Variants in PRKG1 observed in about 807,000 individuals in gnomAD.
PRKG1 encodes protein kinase cGMP-dependent 1.
In PRKG1, 35 loss-of-function variants were observed where a neutral mutation model predicts 88.1. The ratio of observed to expected loss-of-function variants is 0.40; its 90% confidence interval spans 0.30 to 0.53. The LOEUF (loss-of-function observed/expected upper bound fraction) is 0.53. Among genes scored for constraint, PRKG1 ranks in the 20% least tolerant of loss-of-function variants. The pLI is 0.59. For synonymous variants in PRKG1, 303 were observed against 292.5 expected, an observed-to-expected ratio of 1.04 and a Z score of -0.37; for missense variants, 540 against 839.8, an observed-to-expected ratio of 0.64 and a Z score of 4.41.
intron 8 of PRKG1, among the ~76,000 whole-genome samples, chr10:52,150,174 A>ATTATTATTATTATTATT (rs1554810270): frequency 6.7e-5 from 7 of 104,896 alleles, no homozygotes; most frequent in African/African-American, 2.1e-4. Context: ...TAATAATAAT[A>ATTATTATTATTATTATT]ATAATAATAA....
intron 7 of PRKG1, among the ~76,000 whole-genome samples, chr10:52,078,005 C>G (rs1846674663): frequency 1.3e-5 from 2 of 152,154 alleles, no homozygotes. Flanking sequence ...TGTCTGCCGC[C>G]CAGATGGCCG....
chr10:51,551,235 A>G (rs2132128478), intron 3 of PRKG1, among the ~76,000 whole-genome samples: 1 of 152,008 alleles, frequency 6.6e-6, no homozygotes, highest in Non-Finnish European at 1.5e-5. Context: ...CCTCAAACAT[A>G]TGGACCTCAC....
At chr10:51,752,805 T>C (rs962255065) in intron 3 of PRKG1, among the ~76,000 whole-genome samples, 1 of 152,152 alleles carries the variant, frequency 6.6e-6, no homozygotes, top group Non-Finnish European at 1.5e-5. Context: ...ACAATGAAGA[T>C]TATTCTCATA....
At chr10:51,727,586 T>A (rs1447786365) in intron 3 of PRKG1, among the ~76,000 whole-genome samples, 1 of 152,174 alleles carries the variant, frequency 6.6e-6, no homozygotes, top group Admixed American at 6.5e-5. Context: ...AGCACAGAAA[T>A]TTCTACTATT....
At chr10:51,964,648 A>G (rs554972049) in intron 5 of PRKG1, among the ~76,000 whole-genome samples, 59 of 152,330 alleles carry the variant, frequency 3.9e-4, no homozygotes, top group African/African-American at 1.4e-3. Context: ...ATAAAAATAG[A>G]TGATCCAGTT....
At chr10:51,948,561 T>C (rs1024116093) in intron 5 of PRKG1, among the ~76,000 whole-genome samples, 6 of 149,224 alleles carry the variant, frequency 4.0e-5, no homozygotes, top group African/African-American at 1.5e-4. Flanking sequence ...TGTGTGTGTG[T>C]GTAATTTGAT....
intron 9 of PRKG1, among the ~76,000 whole-genome samples, chr10:52,177,878 CT>C (rs1302112844): frequency 2.9e-4 from 41 of 142,660 alleles, no homozygotes; most frequent in Middle Eastern, 3.6e-3. Flanking sequence ...TTATTTGGTT[CT>C]TTTTTTTTTC....
At chr10:51,858,589 A>G (rs767144270) in intron 4 of PRKG1, among the ~76,000 whole-genome samples, 2 of 149,076 alleles carry the variant, frequency 1.3e-5, no homozygotes, top group African/African-American at 4.9e-5. Context: ...AACATTTTGC[A>G]CCTATAGTGT....
intron 1 of PRKG1, among the ~76,000 whole-genome samples, chr10:51,024,622 G>C (rs986647882): frequency 6.6e-6 from 1 of 152,068 alleles, no homozygotes; most frequent in Non-Finnish European, 1.5e-5. Context: ...CCTGAGACTG[G>C]GTAATTTATA....
intron 3 of PRKG1, chr10:51,695,342 CTAAG>C (rs1007245838): frequency 5.3e-5 from 8 of 152,138 alleles, no homozygotes; most frequent in African/African-American, 9.7e-5. Context: ...GATAATGGCT[CTAAG>C]TGAGTTCCAT....
intron 3 of PRKG1, among the ~76,000 whole-genome samples, chr10:51,593,397 T>G (rs1033072394): frequency 2.0e-5 from 3 of 152,174 alleles, no homozygotes; most frequent in African/African-American, 7.2e-5. Flanking sequence ...CTTATTAGAC[T>G]TTACCAGTTC....
intron 3 of PRKG1, among the ~76,000 whole-genome samples, chr10:51,556,394 A>G (rs1837311289): frequency 1.4e-5 from 2 of 146,262 alleles, no homozygotes; most frequent in Admixed American, 7.2e-5. Context: ...ATAAAATTTT[A>G]AAATGATTTT....
chr10:51,960,463 A>G (rs1465514128), intron 5 of PRKG1, among the ~76,000 whole-genome samples: 2 of 152,124 alleles, frequency 1.3e-5, no homozygotes, highest in African/African-American at 4.8e-5. Context: ...GGAGTAAGAT[A>G]CTTTTAAACA....
At chr10:51,488,858 C>G (rs922461484) in intron 3 of PRKG1, among the ~76,000 whole-genome samples, 1 of 152,092 alleles carries the variant, frequency 6.6e-6, no homozygotes, top group African/African-American at 2.4e-5. Flanking sequence ...ACTATTCATC[C>G]GTTTCAGGTT....
intron 8 of PRKG1, among the ~76,000 whole-genome samples, chr10:52,155,488 C>G (rs1477290855): frequency 1.3e-5 from 2 of 151,684 alleles, no homozygotes; most frequent in African/African-American, 4.8e-5. Context: ...CCAGGCGTGT[C>G]CTACATGCTT....
intron 9 of PRKG1, among the ~76,000 whole-genome samples, chr10:52,179,215 A>C (rs975999624): frequency 6.6e-6 from 1 of 151,664 alleles, no homozygotes; most frequent in African/African-American, 2.4e-5. Flanking sequence ...TCATGATTCT[A>C]ATTATTTTTT....
At chr10:51,671,717 G>C (rs187658690) in intron 3 of PRKG1, among the ~76,000 whole-genome samples, 1 of 152,056 alleles carries the variant, frequency 6.6e-6, no homozygotes, top group African/African-American at 2.4e-5. Flanking sequence ...CTCCTGAGCA[G>C]CTGGGATTAC....
chr10:51,651,563 A>C (rs1041059127), intron 3 of PRKG1, among the ~76,000 whole-genome samples: 2 of 149,136 alleles, frequency 1.3e-5, no homozygotes, highest in Non-Finnish European at 3.0e-5. Context: ...CATGATTGGC[A>C]CAAAAATTTT....
rs140754459 is a variant in PRKG1, at chr10:51,916,232, C to A, written c.762+8662C>A. Among the ~76,000 whole-genome samples the A allele has an allele frequency of 3.3e-5, 5 of 152,204 alleles. No homozygotes were observed. The East Asian group carries it at 9.7e-4, about 29-fold the overall frequency. On this transcript the variant is annotated intron_variant, in intron 5 of 17. Coordinates refer to ENST00000373980, the MANE Select transcript of PRKG1 (RefSeq NM_006258.4). ...CAGCACAAGATGCAGATCATAAAGA[C>A]CTTGCTAATAAAACAGGTTTCAGTA...
Sources: gnomAD v4.1 joint callset for allele counts (sites outside exome capture counted in the v4.1 genomes callset) on GRCh38, gnomAD v4.1.1 for gene constraint, MANE v1.5 for transcripts, NCBI Gene and HGNC (gene_info 2026-07-23, HGNC 2026-07-21) for gene names.